The following WWOX variants were observed in gnomAD, a reference collection of about 807,000 sequenced individuals.
WWOX encodes the protein WW domain containing oxidoreductase.
Under a neutral mutation model 46.2 loss-of-function variants are expected in WWOX, and 69 were observed. The ratio of observed to expected loss-of-function variants is 1.49; its 90% CI spans 1.23 to 1.82. The LOEUF is 1.82. WWOX is among the 40% of genes most tolerant of loss of function. The pLI is 0.00. For missense variants in WWOX, 919 were observed against 542.6 expected (o/e 1.69, Z -6.89); for synonymous variants, 359 against 202.6 (o/e 1.77, Z -6.56).
intron 5 of WWOX, among the ~76,000 whole-genome samples, chr16:78,374,153 C>T (rs1339884068): frequency 6.6e-6 from 1 of 152,176 alleles, no homozygotes; most frequent in Non-Finnish European, 1.5e-5. Context: ...CATTTTTTCT[C>T]CCTGTTGCTC....
intron 8 of WWOX, among the ~76,000 whole-genome samples, chr16:78,988,377 A>T (rs559428604): frequency 3.3e-5 from 5 of 151,762 alleles, no homozygotes; most frequent in Non-Finnish European, 7.4e-5. Flanking sequence ...AAAGAAAGAA[A>T]ATTAATTTCT....
chr16:78,694,875 C>A (rs984055402), intron 8 of WWOX, among the ~76,000 whole-genome samples: 2 of 151,910 alleles, frequency 1.3e-5, no homozygotes, highest in African/African-American at 4.8e-5. Context: ...CTGCTTCCTG[C>A]ACTTTCTAAA....
At chr16:78,696,773 A>G (rs2048108792) in intron 8 of WWOX, among the ~76,000 whole-genome samples, 1 of 152,102 alleles carries the variant, frequency 6.6e-6, no homozygotes, top group South Asian at 2.1e-4. Context: ...CTCGAGCAGT[A>G]TACACTGCAT....
At chr16:79,045,251 G>A (rs537255651) in intron 8 of WWOX, among the ~76,000 whole-genome samples, 5 of 152,254 alleles carry the variant, frequency 3.3e-5, no homozygotes, top group African/African-American at 1.2e-4. Flanking sequence ...CTTTCTAAGG[G>A]TACAGAATTA....
rs546730709 is a variant in WWOX, at chr16:78,983,860, G to A, written c.1057-227748G>A. On this transcript the variant is annotated intron_variant, in intron 8 of 8. Transcript: ENST00000566780. ...ACTGGTGAAGCAGTCCATCTGTTAT[G>A]AGAGCTATTCTTTTTTTTTTTTTTT... Among the ~76,000 whole-genome samples the A allele has an allele frequency of 2.7e-5, 4 of 146,362 alleles. No homozygotes were observed. In the South Asian group the frequency reaches 6.7e-4, roughly 24 times the overall value.
intron 8 of WWOX, among the ~76,000 whole-genome samples, chr16:78,434,638 A>C (rs1337439328): frequency 2.0e-5 from 3 of 152,222 alleles, no homozygotes; most frequent in African/African-American, 7.2e-5. Context: ...GTATTTGATC[A>C]TTGATGTGTT....
chr16:78,936,312 C>T (rs1007249508), intron 8 of WWOX, among the ~76,000 whole-genome samples: 6 of 152,164 alleles, frequency 3.9e-5, no homozygotes, highest in African/African-American at 1.4e-4. Context: ...CCAAGTGGTC[C>T]ATCCCAAGCG....
chr16:78,967,458 G>GTTTTTTTTTTTTTTTTT (rs1171337117), intron 8 of WWOX, among the ~76,000 whole-genome samples: 1 of 91,444 alleles, frequency 1.1e-5, no homozygotes, highest in African/African-American at 4.3e-5. Context: ...TAATTTTTGT[G>GTTTTTTTTTTTTTTTTT]GTTTTTTTTT....
chr16:78,890,681 C>A (rs1224563908), intron 8 of WWOX: 1 of 152,228 alleles, frequency 6.6e-6, no homozygotes, highest in Non-Finnish European at 1.5e-5. Context: ...CCTAGACCAG[C>A]ATCTGAGCGT....
intron 8 of WWOX, among the ~76,000 whole-genome samples, chr16:78,439,324 C>G (rs2083397825): frequency 6.6e-6 from 1 of 152,178 alleles, no homozygotes; most frequent in African/African-American, 2.4e-5. Flanking sequence ...CTCAGGACCC[C>G]TCTGTGGTTG....
chr16:79,044,459 G>A (rs1267167885), intron 8 of WWOX, among the ~76,000 whole-genome samples: 1 of 152,226 alleles, frequency 6.6e-6, no homozygotes, highest in Non-Finnish European at 1.5e-5. Flanking sequence ...GGGGGAGCTG[G>A]TCATTTAAAA....
intron 8 of WWOX, among the ~76,000 whole-genome samples, chr16:78,889,545 T>C (rs1445731581): frequency 6.6e-6 from 1 of 152,140 alleles, no homozygotes; most frequent in East Asian, 1.9e-4. Context: ...CCATAAGTAT[T>C]GGCCTGTGTC....
intron 5 of WWOX, among the ~76,000 whole-genome samples, chr16:78,188,828 T>G (rs2345442): frequency 0.15 from 22,159 of 152,056 alleles, 1,891 homozygotes; most frequent in African/African-American, 0.23. Context: ...TCACTGGAAA[T>G]AATACCCCTG....
intron 8 of WWOX, among the ~76,000 whole-genome samples, chr16:78,652,426 A>AAAAAG: frequency 7.6e-6 from 1 of 130,972 alleles, no homozygotes; most frequent in Non-Finnish European, 1.7e-5. Context: ...AAAAAAAAAA[A>AAAAAG]AAAAAGAAAA....
At chr16:78,698,838 G>A (rs2048153995) in intron 8 of WWOX, among the ~76,000 whole-genome samples, 1 of 152,140 alleles carries the variant, frequency 6.6e-6, no homozygotes, top group African/African-American at 2.4e-5. Flanking sequence ...GCAACATGGT[G>A]AGACCCTGTC....
intron 8 of WWOX, among the ~76,000 whole-genome samples, chr16:78,484,043 A>G (rs1368500823): frequency 6.6e-6 from 1 of 152,228 alleles, no homozygotes; most frequent in Non-Finnish European, 1.5e-5. Context: ...AGTTATAGAT[A>G]AGTATGCTCC....
chr16:78,649,464 G>A (rs1025870590), intron 8 of WWOX, among the ~76,000 whole-genome samples: 1 of 151,730 alleles, frequency 6.6e-6, no homozygotes, highest in African/African-American at 2.4e-5. Context: ...AAAAAAAATG[G>A]TGGGGTATTA....
intron 8 of WWOX, among the ~76,000 whole-genome samples, chr16:78,685,417 A>T (rs540863771): frequency 4.6e-5 from 7 of 152,256 alleles, no homozygotes; most frequent in Middle Eastern, 3.4e-3. Context: ...TCTATGGTAG[A>T]TCTTCACCTG....
At chr16:78,603,713 A>C (rs1567429319) in intron 8 of WWOX, among the ~76,000 whole-genome samples, 1 of 152,010 alleles carries the variant, frequency 6.6e-6, no homozygotes, top group Non-Finnish European at 1.5e-5. Context: ...ATAAATATAA[A>C]ATAAAATAAA....
Sources: gnomAD v4.1 joint callset for allele counts (sites outside exome capture counted in the v4.1 genomes callset) on GRCh38, gnomAD v4.1.1 for gene constraint, MANE v1.5 for transcripts, NCBI Gene and HGNC (gene_info 2026-07-23, HGNC 2026-07-21) for gene names.